Variants in DPP6 observed in about 807,000 individuals in gnomAD.
The protein encoded by DPP6 is dipeptidyl peptidase like 6, also known as A-type potassium channel modulatory protein DPP6.
Under a neutral mutation model 122.6 loss-of-function variants are expected in DPP6, and 69 were observed. That is an observed-to-expected ratio of 0.56 (90% CI 0.46 to 0.69). DPP6 has a LOEUF of 0.69. DPP6 is among the 30% of genes least tolerant of loss of function. The pLI is 0.00. For synonymous variants in DPP6, 418 were observed against 433.1 expected, an observed-to-expected ratio of 0.97 and a Z score of 0.43; for missense variants, 928 against 1,116.9, an observed-to-expected ratio of 0.83 and a Z score of 2.41.
intron 1 of DPP6, among the ~76,000 whole-genome samples, chr7:154,390,901 C>T (rs979511420): frequency 6.6e-6 from 1 of 152,194 alleles, no homozygotes; most frequent in Admixed American, 6.5e-5. Context: ...GAGTCTCAAA[C>T]ACATGATTTA....
chr7:154,829,687 G>A (rs1800477530), intron 16 of DPP6, among the ~76,000 whole-genome samples: 1 of 152,130 alleles, frequency 6.6e-6, no homozygotes, highest in Admixed American at 6.5e-5. Context: ...TCATACGCAA[G>A]AGCATCAGTC....
At chr7:154,656,562 G>C (rs989799225) in intron 6 of DPP6, among the ~76,000 whole-genome samples, 2 of 152,212 alleles carry the variant, frequency 1.3e-5, no homozygotes, top group Non-Finnish European at 2.9e-5. Flanking sequence ...AGCAATTTCA[G>C]CTTTAAAAAT....
intron 1 of DPP6, among the ~76,000 whole-genome samples, chr7:154,394,769 A>G (rs1814938997): frequency 6.6e-6 from 1 of 152,182 alleles, no homozygotes; most frequent in Non-Finnish European, 1.5e-5. Context: ...ATTTTTGTAT[A>G]TAGTGTAAGG....
At chr7:154,679,605 T>C (rs956301390) in intron 7 of DPP6, among the ~76,000 whole-genome samples, 1 of 152,160 alleles carries the variant, frequency 6.6e-6, no homozygotes, top group African/African-American at 2.4e-5. Flanking sequence ...AGTGGACAAA[T>C]CCAGCGAGGG....
At chr7:154,093,552 A>G (rs1805047915) in intron 1 of DPP6, among the ~76,000 whole-genome samples, 1 of 145,266 alleles carries the variant, frequency 6.9e-6, no homozygotes, top group Non-Finnish European at 1.5e-5. Context: ...AACACTGTAT[A>G]CCATACACCA....
At chr7:154,450,281 A>G (rs1820249581) in intron 2 of DPP6, among the ~76,000 whole-genome samples, 1 of 152,156 alleles carries the variant, frequency 6.6e-6, no homozygotes, top group African/African-American at 2.4e-5. Context: ...ATGATTGCTA[A>G]TAGGTATGAA....
At chr7:154,584,692 G>A (rs140540956) in intron 5 of DPP6, among the ~76,000 whole-genome samples, 1 of 152,204 alleles carries the variant, frequency 6.6e-6, no homozygotes, top group South Asian at 2.1e-4. Flanking sequence ...CATGTAAGAG[G>A]TCTGTTCTGT....
chr7:154,292,799 A>G (rs981902762), intron 1 of DPP6, among the ~76,000 whole-genome samples: 7 of 152,234 alleles, frequency 4.6e-5, no homozygotes, highest in African/African-American at 1.7e-4. Context: ...CGCGTTTCAC[A>G]AAAGTTACAC....
At chr7:154,889,869 C>T (rs1367896680) in intron 25 of DPP6, 6 of 303,836 alleles carry the variant, frequency 2.0e-5, no homozygotes, top group East Asian at 7.7e-5. Flanking sequence ...TATCCCGCTG[C>T]GGAGAGTGGG....
intron 5 of DPP6, among the ~76,000 whole-genome samples, chr7:154,598,300 C>T (rs1356515129): frequency 1.3e-5 from 2 of 152,168 alleles, no homozygotes; most frequent in Admixed American, 1.3e-4. Flanking sequence ...TAAAGGAAAA[C>T]CGTTTTGGAA....
chr7:154,197,010 C>T (rs1585606579), intron 1 of DPP6, among the ~76,000 whole-genome samples: 1 of 152,026 alleles, frequency 6.6e-6, no homozygotes, highest in African/African-American at 2.4e-5. Flanking sequence ...TGTTTTGGGG[C>T]TCTGAGTCTC....
chr7:154,560,967 A>G (rs985666010), intron 4 of DPP6, among the ~76,000 whole-genome samples: 1 of 152,174 alleles, frequency 6.6e-6, no homozygotes, highest in Non-Finnish European at 1.5e-5. Flanking sequence ...GGCTATATTA[A>G]TATTAGATAA....
chr7:154,132,497 C>G (rs1251764019), intron 1 of DPP6, among the ~76,000 whole-genome samples: 1 of 152,080 alleles, frequency 6.6e-6, no homozygotes, highest in African/African-American at 2.4e-5. Flanking sequence ...TCTGAAATTA[C>G]CATCACCTCC....
chr7:154,458,096 C>T (rs995935029), intron 2 of DPP6, among the ~76,000 whole-genome samples: 1 of 152,106 alleles, frequency 6.6e-6, no homozygotes, highest in Non-Finnish European at 1.5e-5. Context: ...CTGGCAGCCC[C>T]CAGAGGCTGG....
chr7:154,062,107 G>A lies in DPP6; in HGVS notation c.243+9044G>A, dbSNP rs1251654071. Among the ~76,000 whole-genome samples, 3 of 103,962 alleles carry A rather than the reference G, an allele frequency of 2.9e-5. 1 individual carries two copies. Among genetic ancestry groups the A allele is most frequent in the African/African-American group, 1.1e-4 (3 of 27,886 alleles). 68.2% of individuals were successfully genotyped at this position (103,962 alleles called of 152,430 possible). On this transcript the variant is annotated intron_variant, in intron 1 of 25. Transcript: ENST00000377770. ...AGGACCCCCATCGCAGAGGGGGGAC[G>A]CACCCCCCGCGAGGCGGGGACTGAG... is the stretch of plus-strand genomic sequence containing the variant.
At chr7:154,647,880 A>G (rs573756458) in intron 6 of DPP6, among the ~76,000 whole-genome samples, 46 of 152,168 alleles carry the variant, frequency 3.0e-4, no homozygotes, top group African/African-American at 9.9e-4. Context: ...GTTAAAGAGA[A>G]AGGCCCATGG....
intron 1 of DPP6, among the ~76,000 whole-genome samples, chr7:154,331,376 G>A (rs1486523558): frequency 2.6e-5 from 4 of 152,200 alleles, no homozygotes; most frequent in African/African-American, 9.7e-5. Context: ...GAGGTCTGAG[G>A]GACCTCACTT....
intron 17 of DPP6, among the ~76,000 whole-genome samples, chr7:154,857,050 G>T (rs1802901242): frequency 1.3e-5 from 2 of 152,186 alleles, no homozygotes; most frequent in South Asian, 2.1e-4. Context: ...TTGACTCTGG[G>T]TTTCCTGGAG....
At chr7:154,270,810 T>C (rs1803737173) in intron 1 of DPP6, among the ~76,000 whole-genome samples, 4 of 152,130 alleles carry the variant, frequency 2.6e-5, no homozygotes, top group Admixed American at 2.0e-4. Context: ...AATTCTGCCC[T>C]GGTTCTGGGG....
Sources: gnomAD v4.1 joint callset for allele counts (sites outside exome capture counted in the v4.1 genomes callset) on GRCh38, gnomAD v4.1.1 for gene constraint, MANE v1.5 for transcripts, NCBI Gene and HGNC (gene_info 2026-07-23, HGNC 2026-07-21) for gene names.